The following EHD4 variants were observed in gnomAD, a reference collection of about 807,000 sequenced individuals.
The protein encoded by EHD4 is EH domain containing 4.
EHD4 carries 37 observed loss-of-function variants against 51.0 expected under a neutral mutation model. The observed-to-expected ratio is 0.73, with a 90% confidence interval of 0.56 to 0.95. The LOEUF is 0.95. Ranked by LOEUF, EHD4 falls within the 40% of genes least tolerant of loss-of-function variation. The pLI is 0.00. For synonymous variants in EHD4, 297 were observed against 317.3 expected, an observed-to-expected ratio of 0.94 and a Z score of 0.68; for missense variants, 632 against 733.1, an observed-to-expected ratio of 0.86 and a Z score of 1.59.
Position 41,901,144 on chromosome 15 carries a change from G to A in EHD4, c.1127C>T (p.Ser376Leu). Residue 376 changes from serine (S) to leucine (L), a missense_variant, in exon 6 of 6, where the codon TCG (serine) becomes TTG (leucine). Transcript: ENST00000220325. ...LENYDFTKFH[S>L]LKPKLIEAVD... is the part of the protein sequence containing the mutation. Reference sequence around the variant, plus strand: ...TGCCTCGATCAGCTTGGGCTTCAGCGAGTGGAATTTGGTGAAGTCATAGTT... The same window carrying A: ...TGCCTCGATCAGCTTGGGCTTCAGCAAGTGGAATTTGGTGAAGTCATAGTT... 2.5e-6 allele frequency: 4 copies of A among 1,571,970 alleles called. No homozygotes were observed. Among genetic ancestry groups the A allele is most frequent in the East Asian group, 2.2e-5 (1 of 44,604 alleles).
rs1308205200 is a variant in EHD4 at position 41,898,163 on chromosome 15, C to G, written c.*2482G>C. The G allele has an allele frequency of 6.6e-6, 1 of 151,926 alleles. No individual in the cohort carries two copies. Among genetic ancestry groups the G allele is most frequent in the Non-Finnish European group, 1.5e-5 (1 of 67,996 alleles). 9.4% of individuals were successfully genotyped at this position (151,926 alleles called of 1,614,324 possible). On this transcript the variant is annotated 3_prime_UTR_variant, in exon 6 of 6. Coordinates refer to ENST00000220325, the MANE Select transcript of EHD4 (RefSeq NM_139265.4). ...ATTTCCTTTTTTTTTCCTTTCTCTC[C>G]AAGAACATTACCAGGTGCCAGCAGG...
intron 2 of EHD4, among the ~76,000 whole-genome samples, chr15:41,945,888 G>C (rs987872639): frequency 1.2e-4 from 18 of 152,142 alleles, no homozygotes; most frequent in African/African-American, 4.3e-4. Flanking sequence ...TTCATGTCCC[G>C]ACCCCATCAA....
chr15:41,918,762 G>A (rs747890928), intron 4 of EHD4, among the ~76,000 whole-genome samples: 6 of 152,368 alleles, frequency 3.9e-5, no homozygotes, highest in East Asian at 1.9e-4. Context: ...CTGGCCTTTG[G>A]TGCACGGGGA....
intron 1 of EHD4, among the ~76,000 whole-genome samples, chr15:41,964,144 C>CAAAAA (rs755699829): frequency 7.6e-4 from 20 of 26,480 alleles, no homozygotes; most frequent in South Asian, 1.9e-3. Flanking sequence ...GACTCCATCT[C>CAAAAA]AAAAAAAAAA....
In EHD4 at chr15:41,909,572, C is replaced by T. The variant is rs1028930595; in HGVS notation, c.1089+127G>A. 1.2e-5 allele frequency: 13 copies of T among 1,106,454 alleles called. No individual in the cohort carries two copies. The Admixed American group carries it at 2.5e-4, about 21-fold the overall frequency. The allele number at this position is 1,106,454 out of a possible 1,614,324, so 68.5% of individuals were successfully genotyped here. ...ATTCATAGCCTATTATCATGGATCA[C>T]CATTAGGAAGATGCGTTGTCCTTGA... On this transcript the variant is annotated intron_variant, in intron 5 of 5. Transcript: ENST00000220325.
chr15:41,909,945 A>G, intron 4 of EHD4, 82 bp from the exon 5 acceptor site: 16 of 1,538,140 alleles, frequency 1.0e-5, no homozygotes, highest in Non-Finnish European at 1.4e-5. Flanking sequence ...TCTTAACTCC[A>G]TCATAACACA....
At chr15:41,958,742 T>C (rs1422804922) in intron 1 of EHD4, among the ~76,000 whole-genome samples, 2 of 152,080 alleles carry the variant, frequency 1.3e-5, no homozygotes, top group East Asian at 2.0e-4. Context: ...TAAATAAATA[T>C]ACCTAACGCT....
At chr15:41,904,311 T>C (rs1242363551) in intron 5 of EHD4, among the ~76,000 whole-genome samples, 1 of 152,114 alleles carries the variant, frequency 6.6e-6, no homozygotes, top group Non-Finnish European at 1.5e-5. Flanking sequence ...CAGTTATTCC[T>C]GTCCTGGGAG....
At chr15:41,909,041 T>C (rs1595530566) in intron 5 of EHD4, among the ~76,000 whole-genome samples, 1 of 152,212 alleles carries the variant, frequency 6.6e-6, no homozygotes, top group Non-Finnish European at 1.5e-5. Flanking sequence ...GCCTCGCTTG[T>C]GAGGACACGC....
chr15:41,918,648 G>A (rs996305838), intron 4 of EHD4, among the ~76,000 whole-genome samples: 34 of 152,126 alleles, frequency 2.2e-4, no homozygotes, highest in African/African-American at 5.6e-4. Flanking sequence ...CTAACAGCCC[G>A]CAGCCCAGAA....
At chr15:41,933,298 G>A (rs2140995010) in intron 3 of EHD4, among the ~76,000 whole-genome samples, 1 of 152,354 alleles carries the variant, frequency 6.6e-6, no homozygotes, top group South Asian at 2.1e-4. Flanking sequence ...AGCCACACGT[G>A]TATCCTGGGG....
intron 3 of EHD4, among the ~76,000 whole-genome samples, chr15:41,925,775 C>T (rs561529128): frequency 4.6e-5 from 7 of 152,264 alleles, no homozygotes; most frequent in African/African-American, 1.7e-4. Context: ...TTCCTGGCTC[C>T]ATGTTCTGGG....
In EHD4 at chr15:41,972,542, C is replaced by CT. The variant is rs2068006775; in HGVS notation, c.-49dup. On this transcript the variant is annotated 5_prime_UTR_variant, in exon 1 of 6. Coordinates refer to ENST00000220325, the MANE Select transcript of EHD4 (RefSeq NM_139265.4). ...ATGGGACCCTGCTCCGGGTTCGACT[C>CT]TCCCCGGCTCGCACTGAGCCGCCCC... is the stretch of plus-strand genomic sequence containing the variant. The CT allele has an allele frequency of 2.1e-6, 3 of 1,428,006 alleles. No individual in the cohort carries two copies. In the South Asian group the frequency reaches 4.4e-5, roughly 21 times the overall value. 88.5% of individuals were successfully genotyped at this position (1,428,006 alleles called of 1,614,324 possible).
intron 3 of EHD4, among the ~76,000 whole-genome samples, chr15:41,932,275 G>A (rs368143654): frequency 3.9e-5 from 6 of 152,218 alleles, no homozygotes; most frequent in African/African-American, 4.8e-5. Flanking sequence ...GCAGTGGAGC[G>A]AATCCCGCCA....
chr15:41,902,824 T>C (rs530614078), intron 5 of EHD4, among the ~76,000 whole-genome samples: 2 of 119,132 alleles, frequency 1.7e-5, no homozygotes, highest in African/African-American at 2.8e-5. Context: ...TATATGTATG[T>C]ATATATATAC....
intron 2 of EHD4, among the ~76,000 whole-genome samples, chr15:41,944,669 T>A (rs1337312236): frequency 6.6e-6 from 1 of 152,174 alleles, no homozygotes; most frequent in Non-Finnish European, 1.5e-5. Context: ...GACATTAGGA[T>A]CCTTTTGCAG....
intron 2 of EHD4, among the ~76,000 whole-genome samples, chr15:41,946,992 T>C (rs777646755): frequency 6.6e-6 from 1 of 152,230 alleles, no homozygotes; most frequent in Non-Finnish European, 1.5e-5. Context: ...TCCATGCACA[T>C]TAACTCCAGC....
At chr15:41,924,245 C>T (rs1236817670) in intron 3 of EHD4, among the ~76,000 whole-genome samples, 1 of 152,194 alleles carries the variant, frequency 6.6e-6, no homozygotes, top group Non-Finnish European at 1.5e-5. Context: ...ATTATATATT[C>T]TCTAACCACA....
chr15:41,919,597 C>T lies in EHD4; in HGVS notation c.537G>A (p.Gln179=). ...SRGYDFCQVL[Q]WFAERVDRII... ...TCCTGTCCACCCTCTCGGCAAACCACTGCAGGACCTGGCAGAAGTCATAGC... is the reference window on the plus strand; with the variant it reads ...TCCTGTCCACCCTCTCGGCAAACCATTGCAGGACCTGGCAGAAGTCATAGC... Residue 179 remains glutamine (Q), a synonymous_variant, in exon 4 of 6, where the codon CAG becomes CAA. Transcript: ENST00000220325. The T allele has an allele frequency of 6.6e-7, 1 of 1,515,352 alleles. No homozygotes were observed. The highest frequency in any genetic ancestry group is 8.8e-7 in the Non-Finnish European group (1 of 1,132,834). The allele number at this position is 1,515,352 out of a possible 1,614,324, so 93.9% of individuals were successfully genotyped here. A position where few individuals can be genotyped will look rare whatever the true frequency, so the allele number is the denominator to read the frequency against.
Sources: allele counts gnomAD v4.1 joint callset (sites outside exome capture counted in the v4.1 genomes callset), GRCh38; gene constraint gnomAD v4.1.1; transcripts MANE v1.5; gene names NCBI Gene and HGNC (gene_info 2026-07-23, HGNC 2026-07-21).